Variants in ZNF273 observed in about 807,000 individuals in gnomAD.
ZNF273 encodes zinc finger protein 9.
Under a neutral mutation model 14.9 loss-of-function variants are expected in ZNF273, and 11 were observed. The ratio of observed to expected loss-of-function variants is 0.74; its 90% CI spans 0.46 to 1.22. The LOEUF is 1.22. Ranked by LOEUF, ZNF273 falls within the 50% of genes most tolerant of loss-of-function variation. The probability of loss-of-function intolerance (pLI) is 0.00; values close to 1 mark genes in which losing one functional copy is unlikely to be tolerated. For synonymous variants in ZNF273, 199 were observed against 223.9 expected, an observed-to-expected ratio of 0.89 and a Z score of 0.99; for missense variants, 577 against 660.6, an observed-to-expected ratio of 0.87 and a Z score of 1.39.
chr7:64,919,415 G>T (rs753772673), intron 3 of ZNF273, among the ~76,000 whole-genome samples: 3 of 152,052 alleles, frequency 2.0e-5, no homozygotes, highest in Non-Finnish European at 4.4e-5. Flanking sequence ...GGCTGAGGCG[G>T]GTGGATCACT....
At chr7:64,900,087 A>C (rs908762295), upstream of ZNF273, among the ~76,000 whole-genome samples, 2 of 151,212 alleles carry the variant, frequency 1.3e-5, no homozygotes, top group African/African-American at 2.4e-5. Context: ...ACAAATGATT[A>C]GGTATGCTTT....
At chr7:64,906,182 T>C (rs1793097788) in intron 1 of ZNF273, among the ~76,000 whole-genome samples, 1 of 152,236 alleles carries the variant, frequency 6.6e-6, no homozygotes, top group Non-Finnish European at 1.5e-5. Flanking sequence ...GGTGAGTTAC[T>C]TAGATTTGTG....
intron 1 of ZNF273, among the ~76,000 whole-genome samples, chr7:64,912,825 A>ATTTTTTTTTTTTTTTTT (rs1562959126): frequency 2.4e-4 from 4 of 16,844 alleles, no homozygotes; most frequent in Non-Finnish European, 6.9e-4. Flanking sequence ...GATTCATTTT[A>ATTTTTTTTTTTTTTTTT]GTTTTTTTTT....
chr7:64,927,986 CAACT>C lies in ZNF273; in HGVS notation c.663_666del (p.Thr222SerfsTer9), dbSNP rs754829266. ...TGGCAAATCATGTTGCATACTTTCA[CAACT>C]AACTCAGCATAAGAAAACTGCTACT... On this transcript the variant is annotated frameshift_variant, in exon 4 of 4. Coordinates refer to ENST00000476120, the MANE Select transcript of ZNF273 (RefSeq NM_021148.3). LOFTEE classifies it low-confidence loss of function (END_TRUNC). 2.5e-6 allele frequency: 4 copies of C among 1,613,900 alleles called. No homozygotes were observed. The highest frequency in any genetic ancestry group is 1.7e-6 in the Non-Finnish European group (2 of 1,179,910).
chr7:64,880,490 G>A (rs1344572449), downstream of ZNF273, among the ~76,000 whole-genome samples: 3 of 152,036 alleles, frequency 2.0e-5, no homozygotes, highest in Non-Finnish European at 4.4e-5. Flanking sequence ...TTGGCTGCCC[G>A]CGTGTGATGG....
intron 1 of ZNF273, among the ~76,000 whole-genome samples, chr7:64,907,720 A>G (rs1044903380): frequency 6.6e-6 from 1 of 152,174 alleles, no homozygotes; most frequent in Non-Finnish European, 1.5e-5. Context: ...TACCAGAGGA[A>G]AGATATCACA....
chr7:64,914,876 C>T (rs1197101162), intron 1 of ZNF273, among the ~76,000 whole-genome samples: 2 of 134,662 alleles, frequency 1.5e-5, no homozygotes, highest in Non-Finnish European at 3.2e-5. Context: ...CAGAGACTCT[C>T]ATCTGAGAAG....
At chr7:64,919,675 A>G (rs1036775975) in intron 3 of ZNF273, among the ~76,000 whole-genome samples, 2 of 152,176 alleles carry the variant, frequency 1.3e-5, no homozygotes, top group Admixed American at 6.5e-5. Flanking sequence ...TCAGAAATTT[A>G]TGATTTAATG....
At position 64,928,139 on chromosome 7, in the gene ZNF273, T is replaced by A. The variant is rs1327693461; in HGVS notation, c.811T>A (p.Phe271Ile). ...CAAATGTGAAGAATGTGGCAAAGCC[T>A]TTAACCAGTCCTTAACTCTTACTAA... ...PYKCEECGKAFNQSLTLTKHK... is the reference protein window; with the variant it reads ...PYKCEECGKAINQSLTLTKHK... The change falls in exon 4 of 4, where the codon TTT becomes ATT. Residue 271 changes from phenylalanine to isoleucine, a missense_variant. This residue lies in a region of ZNF273 where 411 missense variants were observed against 440.4 expected (regional missense o/e 0.93). Coordinates refer to ENST00000476120, the MANE Select transcript of ZNF273 (RefSeq NM_021148.3). 2 of 1,613,702 alleles carry A rather than the reference T, an allele frequency of 1.2e-6. No individual in the cohort carries two copies. The highest frequency in any genetic ancestry group is 1.7e-6 in the Non-Finnish European group (2 of 1,179,844).
chr7:64,899,480 C>T (rs985651268), upstream of ZNF273, among the ~76,000 whole-genome samples: 2 of 151,990 alleles, frequency 1.3e-5, no homozygotes, highest in Non-Finnish European at 2.9e-5. Flanking sequence ...CATGGTGAAA[C>T]CCCATTTCTA....
In ZNF273 at chr7:64,903,427, T is replaced by C. The variant is rs1267868440; in HGVS notation, c.102+8T>C. On this transcript the variant is annotated splice_region_variant and intron_variant, in intron 1 of 3. Coordinates refer to ENST00000476120, the MANE Select transcript of ZNF273 (RefSeq NM_021148.3). The stretch of plus-strand genomic sequence containing the variant: ...CCTGGAAGCCTAGAAATGGTGAGAG[T>C]GCCGGGTCCCAGATCCCGAGAGAGG... 1 of 1,608,626 alleles carries C rather than the reference T, an allele frequency of 6.2e-7. No individual in the cohort carries two copies.
chr7:64,890,802 C>T (rs936596194), downstream of ZNF273, among the ~76,000 whole-genome samples: 6 of 151,916 alleles, frequency 3.9e-5, no homozygotes, highest in African/African-American at 1.5e-4. Context: ...AGTGATGGGG[C>T]AAAGGCTGGT....
downstream of ZNF273, among the ~76,000 whole-genome samples, chr7:64,883,214 A>AAC (rs1554378895): frequency 8.2e-6 from 1 of 121,638 alleles, no homozygotes; most frequent in Non-Finnish European, 1.7e-5. Context: ...CCAAATCACC[A>AAC]CCCCCCCCTC....
intron 3 of ZNF273, among the ~76,000 whole-genome samples, chr7:64,925,469 G>A (rs187418880): frequency 4.6e-5 from 7 of 152,040 alleles, no homozygotes; most frequent in East Asian, 1.9e-4. Context: ...ACAGAGTCTC[G>A]CTCTGTTGCC....
At chr7:64,905,323 C>T (rs1416257311) in intron 1 of ZNF273, among the ~76,000 whole-genome samples, 6 of 151,450 alleles carry the variant, frequency 4.0e-5, no homozygotes, top group African/African-American at 1.5e-4. Flanking sequence ...ACCATGTTGG[C>T]TGTACTGGCC....
intron 3 of ZNF273, among the ~76,000 whole-genome samples, chr7:64,894,858 G>A (rs1008684212): frequency 6.6e-6 from 1 of 152,144 alleles, no homozygotes; most frequent in Non-Finnish European, 1.5e-5. Context: ...GGCCGGGCAC[G>A]GTGGCTCATG....
At chr7:64,915,795 T>A (rs1793934523) in intron 1 of ZNF273, among the ~76,000 whole-genome samples, 1 of 152,230 alleles carries the variant, frequency 6.6e-6, no homozygotes, top group Admixed American at 6.5e-5. Flanking sequence ...GAACATGTAA[T>A]GTTGGGGTTT....
chr7:64,883,211 A>AC (rs1234349552), downstream of ZNF273, among the ~76,000 whole-genome samples: 23 of 97,586 alleles, frequency 2.4e-4, no homozygotes, highest in Middle Eastern at 6.3e-3. Context: ...AGCCCAAATC[A>AC]CCACCCCCCC....
intron 3 of ZNF273, among the ~76,000 whole-genome samples, chr7:64,896,509 A>C (rs1462477665): frequency 6.6e-6 from 1 of 152,132 alleles, no homozygotes; most frequent in Non-Finnish European, 1.5e-5. Context: ...TTTCAGAAAG[A>C]ATAAATACAT....
Sources: gnomAD v4.1 joint callset for allele counts (sites outside exome capture counted in the v4.1 genomes callset) on GRCh38, gnomAD v4.1.1 for gene constraint, gnomAD v4.1.1 regional missense constraint, MANE v1.5 for transcripts, NCBI Gene and HGNC (gene_info 2026-07-23, HGNC 2026-07-21) for gene names.